The following FARS2 variants were observed in gnomAD, a reference collection of about 807,000 sequenced individuals.
FARS2 encodes the protein phenylalanine--tRNA ligase, mitochondrial.
In FARS2, 40 loss-of-function variants were observed where a neutral mutation model predicts 46.4. The observed-to-expected ratio is 0.86, with a 90% CI of 0.67 to 1.12. FARS2 has a LOEUF of 1.12. Among genes scored for constraint, FARS2 ranks in the 50% most tolerant of loss-of-function variants. The pLI is 0.00. For missense variants in FARS2, 513 were observed against 567.9 expected, an observed-to-expected ratio of 0.90 and a Z score of 0.98; for synonymous variants, 234 against 214.9, an observed-to-expected ratio of 1.09 and a Z score of -0.78.
rs142518697 is a variant in FARS2, at chr6:5,767,674, G to A, written c.1218-3617G>A. 2.9e-3 allele frequency among the ~76,000 whole-genome samples: 448 copies of A among 152,276 alleles called. 3 individuals are homozygous for A. The highest frequency in any genetic ancestry group is 5.1e-3 in the Non-Finnish European group (344 of 68,034). On this transcript the variant is annotated intron_variant, in intron 6 of 6. Transcript: ENST00000274680. The stretch of plus-strand genomic sequence containing the variant: ...CTCAGTTTCCTCATCTGTATAATGG[G>A]TCAGTAATGCTGTTTACTCAATGGG...
intron 6 of FARS2, among the ~76,000 whole-genome samples, chr6:5,731,322 C>T (rs759318130): frequency 4.6e-5 from 7 of 152,100 alleles, no homozygotes; most frequent in African/African-American, 7.2e-5. Context: ...CTTCTTCCTC[C>T]TCTTTGTTTT....
intron 4 of FARS2, among the ~76,000 whole-genome samples, chr6:5,439,466 G>A (rs893549398): frequency 1.3e-5 from 2 of 152,228 alleles, no homozygotes; most frequent in Non-Finnish European, 2.9e-5. Context: ...AACAAAGCAG[G>A]AACTTCACCC....
intron 4 of FARS2, among the ~76,000 whole-genome samples, chr6:5,473,110 T>C (rs777768709): frequency 6.6e-6 from 1 of 152,204 alleles, no homozygotes; most frequent in Non-Finnish European, 1.5e-5. Flanking sequence ...TTTGGTGTTA[T>C]CTATATTTGC....
intron 4 of FARS2, among the ~76,000 whole-genome samples, chr6:5,462,623 C>G (rs1184350861): frequency 6.6e-6 from 1 of 151,966 alleles, no homozygotes; most frequent in Admixed American, 6.5e-5. Flanking sequence ...TGTTTAGAAC[C>G]ATTTGTTGAG....
intron 1 of FARS2, among the ~76,000 whole-genome samples, chr6:5,315,764 T>TCTTTCTTTCTTTC: frequency 6.6e-6 from 1 of 152,144 alleles, no homozygotes; most frequent in East Asian, 1.9e-4. Context: ...CTTTCTTTTT[T>TCTTTCTTTCTTTC]TTGGGGAGAA....
chr6:5,658,205 G>A (rs1777689880), intron 6 of FARS2, among the ~76,000 whole-genome samples: 2 of 150,656 alleles, frequency 1.3e-5, no homozygotes, highest in East Asian at 2.0e-4. Flanking sequence ...GTGGTGAGCC[G>A]AGATCGTGCC....
rs192236407 is a variant in FARS2 at position 5,515,413 on chromosome 6, C to T, written c.905-29767C>T. ...AAGTAGTGCTTGAAACCTGATTCAG[C>T]GTTTTTTTATTTTTATTTTTATTTT... On this transcript the variant is annotated intron_variant, in intron 4 of 6. Transcript: ENST00000274680. Among the ~76,000 whole-genome samples the T allele has an allele frequency of 3.3e-5, 5 of 151,784 alleles. No homozygotes were observed. The East Asian group carries it at 9.7e-4, about 29-fold the overall frequency.
At chr6:5,572,648 G>A (rs1245836304) in intron 5 of FARS2, among the ~76,000 whole-genome samples, 2 of 151,850 alleles carry the variant, frequency 1.3e-5, no homozygotes, top group East Asian at 3.9e-4. Flanking sequence ...TTTTATTCCA[G>A]GAAAAGAACT....
intron 2 of FARS2, among the ~76,000 whole-genome samples, chr6:5,380,635 G>T (rs916337994): frequency 1.3e-5 from 2 of 152,102 alleles, no homozygotes; most frequent in African/African-American, 4.8e-5. Flanking sequence ...GCATAGTGTT[G>T]AATTATATGT....
intron 6 of FARS2, among the ~76,000 whole-genome samples, chr6:5,729,973 C>T (rs1478796527): frequency 6.6e-6 from 1 of 152,170 alleles, no homozygotes; most frequent in Non-Finnish European, 1.5e-5. Context: ...CCCCCTGACC[C>T]CAGTTGTGAC....
chr6:5,367,107 C>T (rs759065871), intron 1 of FARS2, among the ~76,000 whole-genome samples: 7 of 152,362 alleles, frequency 4.6e-5, no homozygotes, highest in Middle Eastern at 3.4e-3. Context: ...CACACACAAG[C>T]ACAGCCATTC....
At chr6:5,469,342 A>G (rs574479719) in intron 4 of FARS2, among the ~76,000 whole-genome samples, 2 of 152,308 alleles carry the variant, frequency 1.3e-5, no homozygotes, top group African/African-American at 4.8e-5. Context: ...CCTGTCTCCC[A>G]TTGTGCGGAG....
chr6:5,635,769 T>G (rs1465675439), intron 6 of FARS2, among the ~76,000 whole-genome samples: 1 of 152,132 alleles, frequency 6.6e-6, no homozygotes, highest in African/African-American at 2.4e-5. Flanking sequence ...GCCCACCCCA[T>G]GGAGTCTACA....
intron 5 of FARS2, among the ~76,000 whole-genome samples, chr6:5,585,859 T>G (rs527801648): frequency 5.9e-5 from 9 of 152,320 alleles, no homozygotes; most frequent in African/African-American, 2.2e-4. Flanking sequence ...TAACTAATGC[T>G]GCAATGAACA....
At chr6:5,458,232 C>T (rs1315564393) in intron 4 of FARS2, among the ~76,000 whole-genome samples, 1 of 152,202 alleles carries the variant, frequency 6.6e-6, no homozygotes, top group Non-Finnish European at 1.5e-5. Context: ...GCAAAGCCTG[C>T]CCATGACTGG....
At chr6:5,659,631 C>T (rs1349830816) in intron 6 of FARS2, among the ~76,000 whole-genome samples, 6 of 152,154 alleles carry the variant, frequency 3.9e-5, no homozygotes, top group Non-Finnish European at 8.8e-5. Flanking sequence ...ATAAGTCATT[C>T]ATCAAAAACC....
intron 6 of FARS2, among the ~76,000 whole-genome samples, chr6:5,725,988 CATT>C (rs1474027724): frequency 6.6e-6 from 1 of 152,048 alleles, no homozygotes; most frequent in Non-Finnish European, 1.5e-5. Flanking sequence ...TTGTCATCAT[CATT>C]GTTGGAATAG....
chr6:5,429,927 A>G (rs1475266764), intron 3 of FARS2, among the ~76,000 whole-genome samples: 2 of 151,300 alleles, frequency 1.3e-5, no homozygotes, highest in African/African-American at 2.4e-5. Flanking sequence ...GGGCAAGACA[A>G]TTGCCTTTTT....
chr6:5,474,197 G>A (rs1405736026), intron 4 of FARS2, among the ~76,000 whole-genome samples: 1 of 152,188 alleles, frequency 6.6e-6, no homozygotes, highest in Non-Finnish European at 1.5e-5. Flanking sequence ...ATTAATTTCT[G>A]CTGGGGCTTC....
Sources: allele counts gnomAD v4.1 joint callset (sites outside exome capture counted in the v4.1 genomes callset), GRCh38; gene constraint gnomAD v4.1.1; transcripts MANE v1.5; gene names NCBI Gene and HGNC (gene_info 2026-07-23, HGNC 2026-07-21).